The following FOLH1 variants were observed in gnomAD, a reference collection of about 807,000 sequenced individuals.
FOLH1 encodes the protein folate hydrolase 1, also known as glutamate carboxypeptidase 2.
FOLH1 carries 54 observed loss-of-function variants against 93.9 expected under a neutral mutation model. The ratio of observed to expected loss-of-function variants is 0.57; its 90% CI spans 0.46 to 0.72. The LOEUF (loss-of-function observed/expected upper bound fraction) is 0.72, where lower values mean the gene tolerates loss of function less well. Among genes scored for constraint, FOLH1 ranks in the 30% least tolerant of loss-of-function variants. The pLI is 0.00. For missense variants in FOLH1, 571 were observed against 892.5 expected (o/e 0.64, Z 4.59); for synonymous variants, 249 against 303.6 (o/e 0.82, Z 1.87).
intron 1 of FOLH1, among the ~76,000 whole-genome samples, chr11:49,206,568 G>T (rs1310827558): frequency 1.3e-5 from 2 of 152,084 alleles, no homozygotes; most frequent in Non-Finnish European, 2.9e-5. Context: ...TTCCTCTGCT[G>T]ACTCAAATAA....
chr11:49,163,475 GC>G (rs1424997950), intron 13 of FOLH1, among the ~76,000 whole-genome samples: 1 of 147,008 alleles, frequency 6.8e-6, no homozygotes, highest in African/African-American at 2.5e-5. Context: ...AAAGATGGCA[GC>G]CCACCCCTCC....
At chr11:49,202,747 C>T (rs769755800) in intron 2 of FOLH1, among the ~76,000 whole-genome samples, 34 of 152,112 alleles carry the variant, frequency 2.2e-4, no homozygotes, top group Non-Finnish European at 4.6e-4. Context: ...TTCAAGATGA[C>T]GAAGGTATTT....
At chr11:49,189,625 C>T (rs1861806160) in intron 4 of FOLH1, among the ~76,000 whole-genome samples, 1 of 152,042 alleles carries the variant, frequency 6.6e-6, no homozygotes, top group Non-Finnish European at 1.5e-5. Flanking sequence ...TGGGTTTATC[C>T]AGACATAACC....
At chr11:49,185,124 A>C (rs1229601080) in intron 6 of FOLH1, among the ~76,000 whole-genome samples, 1 of 152,180 alleles carries the variant, frequency 6.6e-6, no homozygotes, top group Non-Finnish European at 1.5e-5. Context: ...TGGGCCCTAT[A>C]TCCTAAATTG....
chr11:49,200,403 T>C lies in FOLH1; in HGVS notation c.263A>G (p.Gln88Arg). Reference sequence around the variant, plus strand: ...AATTTGCTTTGCAAGCTGAAAGTTTTGTTCTGTTCCTGCTAAATGTGGTAT... The same window carrying C: ...AATTTGCTTTGCAAGCTGAAAGTTTCGTTCTGTTCCTGCTAAATGTGGTAT... ...TQIPHLAGTEQNFQLAKQIQS... is the reference protein window; with the variant it reads ...TQIPHLAGTERNFQLAKQIQS... Residue 88 changes from glutamine (Q) to arginine (R), a missense_variant, in exon 3 of 19, where the codon CAA (glutamine) becomes CGA (arginine). Around this residue, in one of 2 missense-constraint regions of FOLH1, gnomAD observed 500 missense variants for 822.9 expected, o/e 0.61. Coordinates refer to ENST00000256999, the MANE Select transcript of FOLH1 (RefSeq NM_004476.3). 4 of 1,613,496 alleles carry C rather than the reference T, an allele frequency of 2.5e-6. No individual in the cohort carries two copies. Among genetic ancestry groups the C allele is most frequent in the Non-Finnish European group, 3.4e-6 (4 of 1,179,700 alleles).
rs919382912 is a variant in FOLH1 at position 49,146,326 on chromosome 11, A to T, written c.*430T>A. 6.6e-6 allele frequency among the ~76,000 whole-genome samples: 1 copy of T among 152,206 alleles called. No homozygotes were observed. Among genetic ancestry groups the T allele is most frequent in the African/African-American group, 2.4e-5 (1 of 41,466 alleles). ...TCCCAAATAGTGTGCTGAGATAGTG[A>T]TCCTCTCAGCCCAGGCTGGCCAGGT... On this transcript the variant is annotated 3_prime_UTR_variant, in exon 19 of 19. Transcript: ENST00000256999.
chr11:49,207,471 G>A (rs1379742331), intron 1 of FOLH1, among the ~76,000 whole-genome samples: 3 of 152,138 alleles, frequency 2.0e-5, no homozygotes, highest in Non-Finnish European at 4.4e-5. Context: ...CCCGAAAGAG[G>A]GTCAAGAATT....
At chr11:49,160,366 G>A (rs1013915637) in intron 13 of FOLH1, among the ~76,000 whole-genome samples, 3 of 152,034 alleles carry the variant, frequency 2.0e-5, no homozygotes, top group South Asian at 4.1e-4. Context: ...TCTTTTGCTA[G>A]CTTTGGGGTT....
At chr11:49,204,980 G>A (rs1863723063) in intron 2 of FOLH1, among the ~76,000 whole-genome samples, 1 of 152,142 alleles carries the variant, frequency 6.6e-6, no homozygotes. Flanking sequence ...GGAAGCCGAG[G>A]CGGGCAGATC....
intron 18 of FOLH1, among the ~76,000 whole-genome samples, chr11:49,147,272 T>C (rs575455451): frequency 2.0e-5 from 3 of 152,246 alleles, no homozygotes; most frequent in South Asian, 2.1e-4. Flanking sequence ...ACAGTTGATA[T>C]TAGTATTTCA....
intron 10 of FOLH1, among the ~76,000 whole-genome samples, chr11:49,172,250 G>T (rs1299604615): frequency 6.6e-6 from 1 of 152,088 alleles, no homozygotes; most frequent in Non-Finnish European, 1.5e-5. Context: ...GAAAAATCAT[G>T]AAACATTTTT....
intron 7 of FOLH1, among the ~76,000 whole-genome samples, chr11:49,180,612 G>A (rs555688419): frequency 1.3e-5 from 2 of 152,200 alleles, no homozygotes; most frequent in Admixed American, 1.3e-4. Context: ...AGTGCACAAT[G>A]CTAAACTGCT....
intron 13 of FOLH1, among the ~76,000 whole-genome samples, chr11:49,158,853 G>A (rs868794608): frequency 3.3e-5 from 5 of 152,044 alleles, no homozygotes. Context: ...TTCACCTCCT[G>A]AGTTAGCTGT....
intron 1 of FOLH1, 98 bp from the exon 2 acceptor site, chr11:49,206,270 T>C: frequency 1.3e-6 from 2 of 1,550,504 alleles, no homozygotes; most frequent in Non-Finnish European, 8.8e-7. Context: ...ACACAAATTA[T>C]CAATATTACC....
At chr11:49,181,831 C>G (rs1272248684) in intron 7 of FOLH1, among the ~76,000 whole-genome samples, 3 of 152,040 alleles carry the variant, frequency 2.0e-5, no homozygotes, top group Non-Finnish European at 4.4e-5. Context: ...TTAAATTGAA[C>G]AGATGTGTCC....
At chr11:49,171,378 T>C (rs1315798899) in intron 10 of FOLH1, 101 bp from the exon 11 acceptor site, 5 of 1,368,796 alleles carry the variant, frequency 3.7e-6, no homozygotes, top group Admixed American at 2.8e-5. Flanking sequence ...AAGTCATTGA[T>C]GGTTTGGGAA....
intron 13 of FOLH1, among the ~76,000 whole-genome samples, chr11:49,160,024 T>C (rs1857516090): frequency 1.3e-5 from 2 of 152,040 alleles, no homozygotes; most frequent in South Asian, 2.1e-4. Flanking sequence ...GCAATTCTCC[T>C]GCTTCAGCCT....
chr11:49,191,257 C>T (rs1862002044), intron 4 of FOLH1, among the ~76,000 whole-genome samples: 1 of 152,198 alleles, frequency 6.6e-6, no homozygotes, highest in African/African-American at 2.4e-5. Context: ...CTTGATCCGC[C>T]CCCCTCGGCC....
rs1417810333 is a variant in FOLH1, at chr11:49,207,889, C to G, written c.118+403G>C. 4 of 462,358 alleles carry G rather than the reference C, an allele frequency of 8.7e-6. No individual in the cohort carries two copies. The East Asian group carries it at 2.7e-4, about 31-fold the overall frequency. The allele number at this position is 462,358 out of a possible 1,614,324, so 28.6% of individuals were successfully genotyped here. On this transcript the variant is annotated intron_variant, in intron 1 of 18. Coordinates refer to ENST00000256999, the MANE Select transcript of FOLH1 (RefSeq NM_004476.3). Reference sequence around the variant, plus strand: ...TGACCTGGTTCACACAGTTCCCAAGCTTGCCTCTGTTACTTCCAAGGAAGA... The same window carrying G: ...TGACCTGGTTCACACAGTTCCCAAGGTTGCCTCTGTTACTTCCAAGGAAGA...
Sources: allele counts gnomAD v4.1 joint callset (sites outside exome capture counted in the v4.1 genomes callset), GRCh38; gene constraint gnomAD v4.1.1; regional missense constraint gnomAD v4.1.1; transcripts MANE v1.5; gene names NCBI Gene and HGNC (gene_info 2026-07-23, HGNC 2026-07-21).